ADGRL1: variants seen among roughly 807,000 people sequenced by gnomAD.
ADGRL1 encodes the protein adhesion G protein-coupled receptor L1.
Under a neutral mutation model 148.9 loss-of-function variants are expected in ADGRL1, and 31 were observed. The observed-to-expected ratio is 0.21, with a 90% CI of 0.16 to 0.28. The LOEUF is 0.28. ADGRL1 is among the 10% of genes least tolerant of loss of function. The pLI is 1.00. For missense variants in ADGRL1, 1,521 were observed against 2,058.8 expected (o/e 0.74, Z 5.05); for synonymous variants, 937 against 900.3 (o/e 1.04, Z -0.73).
intron 3 of ADGRL1, among the ~76,000 whole-genome samples, chr19:14,172,051 G>A (rs778125530): frequency 5.9e-5 from 9 of 152,202 alleles, no homozygotes; most frequent in Non-Finnish European, 8.8e-5. Context: ...GGATCTAGCA[G>A]GGAGAGAGAA....
intron 18 of ADGRL1, among the ~76,000 whole-genome samples, chr19:14,154,603 GT>G (rs1444682340): frequency 6.7e-6 from 1 of 150,124 alleles, no homozygotes; most frequent in African/African-American, 2.5e-5. Context: ...TGTATGTGTG[GT>G]TTTTTTGTTT....
intron 3 of ADGRL1, among the ~76,000 whole-genome samples, chr19:14,171,583 G>A (rs1970475377): frequency 6.6e-6 from 1 of 152,210 alleles, no homozygotes; most frequent in Non-Finnish European, 1.5e-5. Flanking sequence ...AGCCATGCAC[G>A]TGAGGTGGTG....
chr19:14,159,710 TAC>T lies in ADGRL1; in HGVS notation c.1839+23_1839+24del. ...CCCATCAGCTGGAGCCCACGGTCCT[TAC>T]ACTGGGACCCCCTGGGTCTCACCTT... On this transcript the variant is annotated intron_variant, in intron 9 of 22. Coordinates refer to ENST00000361434, the MANE Select transcript of ADGRL1 (RefSeq NM_014921.5). The surrounding 1 kb of genome is among the most constrained non-coding windows in gnomAD (Gnocchi z 6.0). 6.2e-7 allele frequency: 1 copy of T among 1,612,066 alleles called. No individual in the cohort carries two copies.
intron 18 of ADGRL1, among the ~76,000 whole-genome samples, chr19:14,153,667 G>A (rs1968446868): frequency 6.7e-6 from 1 of 149,530 alleles, no homozygotes; most frequent in East Asian, 2.0e-4. Flanking sequence ...TAGATCAGAG[G>A]AGGCCAGGCA....
At chr19:14,178,815 A>G (rs766928221) in intron 2 of ADGRL1, among the ~76,000 whole-genome samples, 30 of 152,292 alleles carry the variant, frequency 2.0e-4, no homozygotes, top group Admixed American at 6.5e-4. Context: ...CCTGGCTAAA[A>G]GGAGAAATTT....
At chr19:14,184,605 A>T (rs1433779674) in intron 1 of ADGRL1, among the ~76,000 whole-genome samples, 2 of 121,562 alleles carry the variant, frequency 1.6e-5, no homozygotes, top group African/African-American at 3.1e-5. Context: ...GCTAATTTTT[A>T]TTTTATTTAT....
Position 14,181,222 on chromosome 19 carries a change from G to A in ADGRL1, c.70+2311C>T, listed in dbSNP as rs111383253. Among the ~76,000 whole-genome samples, 34 of 152,346 alleles carry A rather than the reference G, an allele frequency of 2.2e-4. 1 individual carries two copies. The highest frequency in any genetic ancestry group is 7.5e-4 in the African/African-American group (31 of 41,578). On this transcript the variant is annotated intron_variant, in intron 2 of 22. Transcript: ENST00000361434. Reference sequence around the variant, plus strand: ...TCCCTAACTTCACCCCACCCCATGCGAGGAGCAGAGAAAACATGGGAATGA... The same window carrying A: ...TCCCTAACTTCACCCCACCCCATGCAAGGAGCAGAGAAAACATGGGAATGA...
At chr19:14,183,967 C>A (rs1036981452) in intron 1 of ADGRL1, among the ~76,000 whole-genome samples, 14 of 152,170 alleles carry the variant, frequency 9.2e-5, no homozygotes, top group Admixed American at 2.6e-4. Context: ...ACGGGGAGAT[C>A]CCAGGCAGGC....
intron 2 of ADGRL1, among the ~76,000 whole-genome samples, chr19:14,181,952 T>C (rs1314614297): frequency 6.6e-6 from 1 of 152,160 alleles, no homozygotes; most frequent in African/African-American, 2.4e-5. Flanking sequence ...GGAAGGGACA[T>C]GTTCTGAGCA....
chr19:14,171,820 T>A (rs572513467), intron 3 of ADGRL1, among the ~76,000 whole-genome samples: 9 of 152,218 alleles, frequency 5.9e-5, no homozygotes, highest in Non-Finnish European at 1.2e-4. Flanking sequence ...AGGGGGAACC[T>A]ATTTAACAAA....
At position 14,159,083 on chromosome 19, in the gene ADGRL1, C is replaced by T; in HGVS notation, c.2149+7G>A. 2 of 1,613,658 alleles carry T rather than the reference C, an allele frequency of 1.2e-6. No individual in the cohort carries two copies. The highest frequency in any genetic ancestry group is 1.1e-5 in the South Asian group (1 of 91,060). Reference sequence around the variant, plus strand: ...TCCCCACCCGAGGCCCCGCCGGGGACACTGACCATTGCGGCTGTTCTGCTT... The same window carrying T: ...TCCCCACCCGAGGCCCCGCCGGGGATACTGACCATTGCGGCTGTTCTGCTT... On this transcript the variant is annotated splice_region_variant and intron_variant, in intron 11 of 22. Coordinates refer to ENST00000361434, the MANE Select transcript of ADGRL1 (RefSeq NM_014921.5). The surrounding 1 kb of genome is among the most constrained non-coding windows in gnomAD (Gnocchi z 6.0).
chr19:14,188,821 T>C (rs1971747919), intron 1 of ADGRL1, among the ~76,000 whole-genome samples: 1 of 152,212 alleles, frequency 6.6e-6, no homozygotes, highest in Admixed American at 6.5e-5. Context: ...TCACCGGGGC[T>C]GGAGTGCAGT....
At chr19:14,167,326 T>G (rs1599440821) in intron 4 of ADGRL1, among the ~76,000 whole-genome samples, 5 of 132,584 alleles carry the variant, frequency 3.8e-5, no homozygotes, top group Admixed American at 7.5e-5. Flanking sequence ...GACACAGGGG[T>G]GGTAGGGGGG....
intron 1 of ADGRL1, among the ~76,000 whole-genome samples, chr19:14,185,594 G>C (rs1158888999): frequency 6.6e-6 from 1 of 152,146 alleles, no homozygotes; most frequent in African/African-American, 2.4e-5. Flanking sequence ...GTGCTGGCCA[G>C]AAACACACAT....
Position 14,176,069 on chromosome 19 carries a change from A to G in ADGRL1, c.284+1462T>C, listed in dbSNP as rs544660417. ...ATTCTGTCTCAAAAATAAACAAAAC[A>G]GGCCGGGCGCAGTGGCTTACACCTG... On this transcript the variant is annotated intron_variant, in intron 3 of 22. Coordinates refer to ENST00000361434, the MANE Select transcript of ADGRL1 (RefSeq NM_014921.5). 7.2e-5 allele frequency among the ~76,000 whole-genome samples: 11 copies of G among 151,824 alleles called. No individual in the cohort carries two copies. The South Asian group carries it at 1.5e-3, about 20-fold the overall frequency.
At position 14,157,407 on chromosome 19, in the gene ADGRL1, A is replaced by C. The variant is rs1968877638; in HGVS notation, c.2589T>G (p.Ile863Met). The C allele has an allele frequency of 1.2e-6, 2 of 1,614,142 alleles. No homozygotes were observed. Among genetic ancestry groups the C allele is most frequent in the Admixed American group, 1.7e-5 (1 of 60,028 alleles). Residue 863 changes from isoleucine (I) to methionine (M), a missense_variant, in exon 14 of 23, where the codon ATT (isoleucine) becomes ATG (methionine). Ile to Met is a conservative substitution (Grantham distance 10, BLOSUM62 1). Around this residue, in one of 8 missense-constraint regions of ADGRL1, gnomAD observed 265 missense variants for 431.9 expected, o/e 0.61. Transcript: ENST00000361434. The surrounding 1 kb of genome is among the most constrained non-coding windows in gnomAD (Gnocchi z 7.5). Reference sequence around the variant, plus strand: ...TGGCCAAGCAGACCAGGGAGATCACAATGCCCACCCAGGTGATGACCGACA... The same window carrying C: ...TGGCCAAGCAGACCAGGGAGATCACCATGCCCACCCAGGTGATGACCGACA... ...LLLSVITWVG[I>M]VISLVCLAIC...
intron 1 of ADGRL1, among the ~76,000 whole-genome samples, chr19:14,203,275 C>G (rs1010533435): frequency 6.6e-6 from 1 of 152,136 alleles, no homozygotes; most frequent in Non-Finnish European, 1.5e-5. Flanking sequence ...CACACAGAAA[C>G]GAGAGCCTTG....
At chr19:14,201,139 G>A (rs951938361) in intron 1 of ADGRL1, among the ~76,000 whole-genome samples, 2 of 152,000 alleles carry the variant, frequency 1.3e-5, no homozygotes, top group African/African-American at 4.8e-5. Flanking sequence ...CAGGAGTAAT[G>A]GAAATCGTCT....
Position 14,152,159 on chromosome 19 carries a change from G to A in ADGRL1, c.3650-9C>T. ...GGGTTCCCGGTAGCTCCCTGCAGGTGGCAGCCAGAAGAGAGAAGAGAAAAG... is the reference window on the plus strand; with the variant it reads ...GGGTTCCCGGTAGCTCCCTGCAGGTAGCAGCCAGAAGAGAGAAGAGAAAAG... On this transcript the variant is annotated splice_polypyrimidine_tract_variant and intron_variant, in intron 21 of 22. Coordinates refer to ENST00000361434, the MANE Select transcript of ADGRL1 (RefSeq NM_014921.5). This position sits in a 1 kb window ranked among gnomAD's most constrained non-coding sequence, Gnocchi z 6.1. 1 of 1,614,092 alleles carries A rather than the reference G, an allele frequency of 6.2e-7. No individual in the cohort carries two copies. Among genetic ancestry groups the A allele is most frequent in the Non-Finnish European group, 8.5e-7 (1 of 1,179,992 alleles).
Sources: gnomAD v4.1 joint callset for allele counts (sites outside exome capture counted in the v4.1 genomes callset) on GRCh38, gnomAD v4.1.1 for gene constraint, gnomAD v4.1.1 regional missense constraint, Gnocchi (gnomAD v3.1) non-coding constraint, MANE v1.5 for transcripts, NCBI Gene and HGNC (gene_info 2026-07-23, HGNC 2026-07-21) for gene names.